Variants in MAST2 observed in about 807,000 individuals in gnomAD.
MAST2 encodes microtubule associated serine/threonine kinase 2, also known as microtubule-associated serine/threonine-protein kinase 2.
In MAST2, 70 loss-of-function variants were observed where a neutral mutation model predicts 147.4. The ratio of observed to expected loss-of-function variants is 0.47; its 90% CI spans 0.39 to 0.58. The LOEUF is 0.58. Ranked by LOEUF, MAST2 falls within the 20% of genes least tolerant of loss-of-function variation. The pLI, the probability that MAST2 is intolerant of heterozygous loss-of-function variation, is 0.00. For missense variants in MAST2, 2,080 were observed against 2,302.3 expected (o/e 0.90, Z 1.98); for synonymous variants, 869 against 896.8 (o/e 0.97, Z 0.55).
chr1:45,886,215 G>T (rs1266760182), intron 4 of MAST2, among the ~76,000 whole-genome samples: 1 of 148,042 alleles, frequency 6.8e-6, no homozygotes, highest in Admixed American at 6.8e-5. Flanking sequence ...GAGATAGATC[G>T]ATAAATATAT....
At chr1:45,826,007 G>A (rs1280761441) in intron 2 of MAST2, among the ~76,000 whole-genome samples, 34 of 152,012 alleles carry the variant, frequency 2.2e-4, no homozygotes, top group Admixed American at 2.0e-3. Flanking sequence ...AACCTGGGAG[G>A]TGGAGGCTGA....
rs542203695 is a variant in MAST2 at position 46,019,535 on chromosome 1, G to A, written c.1189-61G>A. 3.7e-6 allele frequency: 5 copies of A among 1,361,094 alleles called. No homozygotes were observed. The East Asian group carries it at 1.1e-4, about 31-fold the overall frequency. The allele number at this position is 1,361,094 out of a possible 1,614,324, so 84.3% of individuals were successfully genotyped here. A position where few individuals can be genotyped will look rare whatever the true frequency, so the allele number is the denominator to read the frequency against. On this transcript the variant is annotated intron_variant, in intron 10 of 28. Coordinates refer to ENST00000361297, the MANE Select transcript of MAST2 (RefSeq NM_015112.3). ...CCCTGGAGTCAGCTCTGCCCTGTCTGGTCCTGCTTAGCCCAGCCACACTGG... is the reference window on the plus strand; with the variant it reads ...CCCTGGAGTCAGCTCTGCCCTGTCTAGTCCTGCTTAGCCCAGCCACACTGG...
At chr1:46,002,410 C>T (rs1400695328) in intron 6 of MAST2, among the ~76,000 whole-genome samples, 3 of 152,284 alleles carry the variant, frequency 2.0e-5, no homozygotes, top group East Asian at 1.9e-4. Context: ...GCCCTTAACA[C>T]GGAGCCTTCA....
At chr1:45,842,010 A>T (rs775509330) in intron 3 of MAST2, among the ~76,000 whole-genome samples, 12 of 152,230 alleles carry the variant, frequency 7.9e-5, no homozygotes, top group Non-Finnish European at 1.6e-4. Context: ...GCTTTAGATA[A>T]TAGAGAAGTC....
intron 1 of MAST2, among the ~76,000 whole-genome samples, chr1:45,806,248 A>G (rs964450481): frequency 1.2e-4 from 18 of 152,222 alleles, no homozygotes; most frequent in African/African-American, 3.6e-4. Flanking sequence ...CTAATACTTC[A>G]TATAAATGGA....
At position 45,803,821 on chromosome 1, in the gene MAST2, G is replaced by A. The variant is rs868567677; in HGVS notation, c.-75G>A. On this transcript the variant is annotated 5_prime_UTR_variant, in exon 1 of 29. Coordinates refer to ENST00000361297, the MANE Select transcript of MAST2 (RefSeq NM_015112.3). ...GGTGGCCGCGGGTGGTGGTTGGCGCGGCTGCGCTGCGGCCCGGGGCAGTGC... is the reference window on the plus strand; with the variant it reads ...GGTGGCCGCGGGTGGTGGTTGGCGCAGCTGCGCTGCGGCCCGGGGCAGTGC... The A allele has an allele frequency of 1.0e-5, 4 of 397,056 alleles. No homozygotes were observed. The highest frequency in any genetic ancestry group is 1.3e-5 in the Non-Finnish European group (3 of 235,100). The allele number at this position is 397,056 out of a possible 1,614,324, so 24.6% of individuals were successfully genotyped here. A position where few individuals can be genotyped will look rare whatever the true frequency, so the allele number is the denominator to read the frequency against.
chr1:45,942,563 A>G (rs912048627), intron 4 of MAST2, among the ~76,000 whole-genome samples: 2 of 152,172 alleles, frequency 1.3e-5, no homozygotes, highest in Non-Finnish European at 2.9e-5. Context: ...CAGGTTTGTT[A>G]TATAGGTAAA....
In MAST2 at chr1:46,030,261, T is replaced by C. The variant is rs567753933; in HGVS notation, c.2553+23T>C. On this transcript the variant is annotated intron_variant, in intron 21 of 28. Coordinates refer to ENST00000361297, the MANE Select transcript of MAST2 (RefSeq NM_015112.3). The stretch of plus-strand genomic sequence containing the variant: ...AAGGTGTGACTGAGGAGGCCCAGAA[T>C]GGGCAGAACAGGCTGGAGGATCAGA... 18 of 1,607,190 alleles carry C rather than the reference T, an allele frequency of 1.1e-5. No homozygotes were observed. The Admixed American group carries it at 1.8e-4, about 16-fold the overall frequency.
intron 4 of MAST2, among the ~76,000 whole-genome samples, chr1:45,904,755 C>T (rs181976622): frequency 9.9e-5 from 15 of 152,220 alleles, no homozygotes; most frequent in African/African-American, 3.4e-4. Flanking sequence ...CACGAGCCAC[C>T]GCACCCAACC....
At position 46,022,917 on chromosome 1, in the gene MAST2, C is replaced by T; in HGVS notation, c.1431C>T (p.Ala477=). The change falls in exon 13 of 29, where the codon GCC becomes GCT. Residue 477 remains alanine, a synonymous_variant. Transcript: ENST00000361297. ...TTGTATCTTTGTTTCCAGAAATGGC[C>T]CAGTTGAGCAGCTGTGACAGTCCTG... is the stretch of plus-strand genomic sequence containing the variant. ...GLTRDPLEEM[A]QLSSCDSPDT... is the part of the protein sequence containing the mutation. 1.2e-6 allele frequency: 2 copies of T among 1,614,018 alleles called. No homozygotes were observed. Among genetic ancestry groups the T allele is most frequent in the South Asian group, 2.2e-5 (2 of 91,066 alleles).
At chr1:45,963,986 G>T in intron 5 of MAST2, among the ~76,000 whole-genome samples, 1 of 152,270 alleles carries the variant, frequency 6.6e-6, no homozygotes, top group African/African-American at 2.4e-5. Context: ...TGTGGTTTTT[G>T]TCTTTGGTTC....
At chr1:46,033,506 C>G (rs879756281) in intron 26 of MAST2, among the ~76,000 whole-genome samples, 3 of 151,958 alleles carry the variant, frequency 2.0e-5, no homozygotes, top group African/African-American at 7.3e-5. Context: ...GTTTTCTCCA[C>G]AAGGCAGTAC....
chr1:45,805,832 T>TTACAC (rs1428227802), intron 1 of MAST2, among the ~76,000 whole-genome samples: 2 of 152,244 alleles, frequency 1.3e-5, no homozygotes, highest in Non-Finnish European at 2.9e-5. Context: ...CAAAACAACA[T>TTACAC]AATTTCCCTG....
At chr1:45,810,092 A>G (rs1644246962) in intron 1 of MAST2, among the ~76,000 whole-genome samples, 2 of 152,268 alleles carry the variant, frequency 1.3e-5, no homozygotes, top group South Asian at 4.1e-4. Flanking sequence ...ATGCAGAGCT[A>G]AAGGCTTTGC....
At position 46,002,822 on chromosome 1, in the gene MAST2, G is replaced by T; in HGVS notation, c.686G>T (p.Trp229Leu). Reference sequence around the variant, plus strand: ...GCATACAGGACTGATGGGCGGCGCTGGTCTTTGGCCTCTTTGCCCTCTTCA... The same window carrying T: ...GCATACAGGACTGATGGGCGGCGCTTGTCTTTGGCCTCTTTGCCCTCTTCA... ...VPARRTDGRR[W>L]SLASLPSSGY... is the part of the protein sequence containing the mutation. The change falls in exon 7 of 29, where the codon TGG becomes TTG. Residue 229 changes from tryptophan to leucine, a missense_variant. By Grantham distance (61) the Trp-to-Leu change is moderately conservative (BLOSUM62 -2). This residue lies in a region of MAST2 where 569 missense variants were observed against 642.5 expected (regional missense o/e 0.89). Transcript: ENST00000361297. 6.2e-7 allele frequency: 1 copy of T among 1,614,134 alleles called. No individual in the cohort carries two copies. The highest frequency in any genetic ancestry group is 8.5e-7 in the Non-Finnish European group (1 of 1,180,004).
In MAST2 at chr1:46,034,043, C is replaced by G. The variant is rs367607005; in HGVS notation, c.3675-30C>G. The G allele has an allele frequency of 1.6e-5, 26 of 1,607,832 alleles. No homozygotes were observed. The African/African-American group carries it at 3.2e-4, about 20-fold the overall frequency. ...CCAGTGTGTGCTGTGCTCACTGCAC[C>G]GACTCAGCCTTTGACCCTTATCCCC... On this transcript the variant is annotated intron_variant, in intron 27 of 28. Transcript: ENST00000361297.
chr1:45,837,996 C>T (rs925410690), intron 3 of MAST2, among the ~76,000 whole-genome samples: 19 of 152,056 alleles, frequency 1.2e-4, no homozygotes, highest in Non-Finnish European at 2.8e-4. Context: ...TCAAGCTTGT[C>T]TCGAACTCCT....
At chr1:45,884,372 A>ACC in intron 4 of MAST2, among the ~76,000 whole-genome samples, 1 of 151,984 alleles carries the variant, frequency 6.6e-6, no homozygotes, top group Middle Eastern at 3.4e-3. Context: ...ATATGGTAAA[A>ACC]CCCTGTCTCT....
intron 3 of MAST2, among the ~76,000 whole-genome samples, chr1:45,877,021 T>G (rs1646635180): frequency 6.6e-6 from 1 of 152,168 alleles, no homozygotes; most frequent in Non-Finnish European, 1.5e-5. Context: ...AAAGAGGATA[T>G]ATTACCTTAG....
Sources: gnomAD v4.1 joint callset for allele counts (sites outside exome capture counted in the v4.1 genomes callset) on GRCh38, gnomAD v4.1.1 for gene constraint, gnomAD v4.1.1 regional missense constraint, MANE v1.5 for transcripts, NCBI Gene and HGNC (gene_info 2026-07-23, HGNC 2026-07-21) for gene names.